ARRB2: variants seen among roughly 807,000 people sequenced by gnomAD.
The protein encoded by ARRB2 is beta-arrestin-2.
In ARRB2, 21 loss-of-function variants were observed where a neutral mutation model predicts 53.4. The observed-to-expected ratio is 0.39, with a 90% CI of 0.28 to 0.57. The LOEUF is 0.57. Ranked by LOEUF, ARRB2 falls within the 20% of genes least tolerant of loss-of-function variation. ARRB2 has a pLI of 0.55. For missense variants in ARRB2, 369 were observed against 527.5 expected, an observed-to-expected ratio of 0.70 and a Z score of 2.94; for synonymous variants, 180 against 212.9, an observed-to-expected ratio of 0.85 and a Z score of 1.34.
Position 4,717,780 on chromosome 17 carries a change from T to A in ARRB2, c.485+28T>A. The A allele has an allele frequency of 6.2e-7, 1 of 1,601,810 alleles. No homozygotes were observed. Among genetic ancestry groups the A allele is most frequent in the Non-Finnish European group, 8.5e-7 (1 of 1,173,770 alleles). ...AAGGGAAGTGACCTCCTCTGTGGTG[T>A]AAGAGGAGGCTTTCCTCCCCGCTTC... On this transcript the variant is annotated intron_variant, in intron 7 of 14. Coordinates refer to ENST00000269260, the MANE Select transcript of ARRB2 (RefSeq NM_004313.4). The surrounding 1 kb of genome is among the most constrained non-coding windows in gnomAD (Gnocchi z 6.0).
At chr17:4,712,993 T>A (rs62064998) in intron 1 of ARRB2, among the ~76,000 whole-genome samples, 2 of 152,138 alleles carry the variant, frequency 1.3e-5, no homozygotes, top group Non-Finnish European at 2.9e-5. Flanking sequence ...AATTTATTTA[T>A]TTATTTATTT....
intron 1 of ARRB2, among the ~76,000 whole-genome samples, chr17:4,711,326 G>A (rs1020293098): frequency 2.0e-5 from 3 of 152,052 alleles, no homozygotes; most frequent in South Asian, 2.1e-4. Flanking sequence ...TGGGGGTGGG[G>A]GAGGCAGTAT....
rs35535076 is a variant in ARRB2 at position 4,718,103 on chromosome 17, C to T, written c.621+80C>T. 7.1e-4 allele frequency: 1,132 copies of T among 1,592,822 alleles called. 6 individuals are homozygous for T. The African/African-American group carries it at 0.01, about 15-fold the overall frequency. Reference sequence around the variant, plus strand: ...GGGGCGAAGCCACACATCAAGAGGACATTTGTAAAGGAGGTTGCCTTGGCT... The same window carrying T: ...GGGGCGAAGCCACACATCAAGAGGATATTTGTAAAGGAGGTTGCCTTGGCT... On this transcript the variant is annotated intron_variant, in intron 8 of 14. Transcript: ENST00000269260.
At chr17:4,710,825 C>T (rs1914312310) in intron 1 of ARRB2, 81 bp downstream of exon 1, 1 of 394,886 alleles carries the variant, frequency 2.5e-6, no homozygotes, top group Non-Finnish European at 4.5e-6. Flanking sequence ...GAGGGCGCAG[C>T]GGAGAGGATC....
chr17:4,719,271 C>T lies in ARRB2; in HGVS notation c.780-12C>T. 1 of 1,607,336 alleles carries T rather than the reference C, an allele frequency of 6.2e-7. No individual in the cohort carries two copies. Among genetic ancestry groups the T allele is most frequent in the Non-Finnish European group, 8.5e-7 (1 of 1,175,504 alleles). ...GCCCCTAAGCATCTTGTTCTCTTGT[C>T]CCCACCCCCAGTGACCAGGTATCTC... On this transcript the variant is annotated splice_polypyrimidine_tract_variant and intron_variant, in intron 10 of 14. Transcript: ENST00000269260.
Position 4,719,362 on chromosome 17 carries a change from G to T in ARRB2, c.859G>T (p.Gly287Cys). The part of the protein sequence containing the change: ...PLLSDNREKR[G>C]LALDGKLKHE... ...GCTCAGCGACAACCGGGAGAAGCGG[G>T]GTCTCGCCCTGGATGGGAAACTCAA... The change falls in exon 11 of 15, where the codon GGT becomes TGT. Residue 287 changes from glycine to cysteine, a missense_variant. By Grantham distance (159) the Gly-to-Cys change is radical (BLOSUM62 -3). Transcript: ENST00000269260. 1 of 1,614,112 alleles carries T rather than the reference G, an allele frequency of 6.2e-7. No individual in the cohort carries two copies. The highest frequency in any genetic ancestry group is 8.5e-7 in the Non-Finnish European group (1 of 1,180,026).
rs779958331 is a variant in ARRB2 at position 4,720,617 on chromosome 17, C to T, written c.1113C>T (p.Thr371=). The T allele has an allele frequency of 5.0e-6, 8 of 1,592,794 alleles. No individual in the cohort carries two copies. Among genetic ancestry groups the T allele is most frequent in the East Asian group, 2.2e-5 (1 of 44,778 alleles). The stretch of plus-strand genomic sequence containing the variant: ...CGGAGACAGATGTCCCTGTGGACAC[C>T]AACCTCATTGAATTTGATACCAAGT... ...AAPETDVPVD[T]NLIEFDTNYA... Residue 371 remains threonine, a synonymous_variant, in exon 14 of 15, where the codon ACC becomes ACT. Transcript: ENST00000269260.
intron 1 of ARRB2, among the ~76,000 whole-genome samples, chr17:4,712,820 G>A (rs942092191): frequency 9.2e-5 from 14 of 152,160 alleles, no homozygotes; most frequent in Admixed American, 2.0e-4. Context: ...AATATTGATC[G>A]AGAGGATGGA....
chr17:4,714,189 G>A (rs957916444), intron 1 of ARRB2, among the ~76,000 whole-genome samples: 1 of 152,100 alleles, frequency 6.6e-6, no homozygotes, highest in Non-Finnish European at 1.5e-5. Flanking sequence ...TAAACAAGGT[G>A]TGACAGGAAC....
At chr17:4,716,121 A>G in intron 3 of ARRB2, 26 bp from the exon 4 acceptor site, 5 of 1,614,162 alleles carry the variant, frequency 3.1e-6, no homozygotes, top group Non-Finnish European at 4.2e-6. Flanking sequence ...CCTTTCAGGA[A>G]GTGAGCTGGT....
chr17:4,718,578 A>C, intron 9 of ARRB2, 34 bp from the exon 10 acceptor site: 1 of 1,606,344 alleles, frequency 6.2e-7, no homozygotes, highest in Non-Finnish European at 8.5e-7. Flanking sequence ...CTTGTGCTCC[A>C]TCCAGAGCTG....
chr17:4,720,884 A>G (rs1915632108), intron 14 of ARRB2, 62 bp from the exon 15 acceptor site: 1 of 1,527,680 alleles, frequency 6.5e-7, no homozygotes, highest in African/African-American at 1.4e-5. Context: ...GAGGGCAGGG[A>G]GTGGGAGGCT....
At chr17:4,711,561 A>AG (rs1281348309) in intron 1 of ARRB2, among the ~76,000 whole-genome samples, 1 of 152,196 alleles carries the variant, frequency 6.6e-6, no homozygotes, top group Non-Finnish European at 1.5e-5. Flanking sequence ...TATCAGGAAT[A>AG]GGGAATTGGT....
intron 10 of ARRB2, among the ~76,000 whole-genome samples, chr17:4,718,962 C>T (rs149413134): frequency 2.6e-5 from 4 of 151,872 alleles, no homozygotes; most frequent in Non-Finnish European, 5.9e-5. Flanking sequence ...TTAATAGAGA[C>T]GAGGTTTCAC....
intron 1 of ARRB2, among the ~76,000 whole-genome samples, chr17:4,712,741 CA>C (rs1914541093): frequency 6.6e-6 from 1 of 152,220 alleles, no homozygotes; most frequent in Admixed American, 6.5e-5. Context: ...TAAATTGTTT[CA>C]GCAACTGGAA....
In ARRB2 at chr17:4,721,078, G is replaced by A. The variant is rs767220676; in HGVS notation, c.*39G>A. On this transcript the variant is annotated 3_prime_UTR_variant, in exon 15 of 15. Transcript: ENST00000269260. This position sits in a 1 kb window ranked among gnomAD's most constrained non-coding sequence, Gnocchi z 4.2. ...AAGAAGGGAGGGGATGGGGTTGGGA[G>A]AGGTGAGGGCAGGATTAAGATCCCC... The A allele has an allele frequency of 8.8e-6, 14 of 1,586,654 alleles. No individual in the cohort carries two copies. The highest frequency in any genetic ancestry group is 1.2e-5 in the Non-Finnish European group (14 of 1,155,818).
intron 2 of ARRB2, 54 bp from the exon 3 acceptor site, chr17:4,715,919 G>C (rs375569064): frequency 6.8e-6 from 11 of 1,608,796 alleles, no homozygotes; most frequent in Non-Finnish European, 9.4e-6. Context: ...TGAGGGCTCC[G>C]ATGCCCTGTC....
Position 4,717,664 on chromosome 17 carries a change from G to T in ARRB2, c.418-21G>T. 1.2e-6 allele frequency: 2 copies of T among 1,614,012 alleles called. No homozygotes were observed. Among genetic ancestry groups the T allele is most frequent in the South Asian group, 1.1e-5 (1 of 91,084 alleles). ...TGGCGGGAGCCTCCGGTAAGATGTG[G>T]CCTTTTCTCCCCTCCCCGAGGCCTG... On this transcript the variant is annotated intron_variant, in intron 6 of 14. Coordinates refer to ENST00000269260, the MANE Select transcript of ARRB2 (RefSeq NM_004313.4). This position sits in a 1 kb window ranked among gnomAD's most constrained non-coding sequence, Gnocchi z 6.0.
intron 1 of ARRB2, among the ~76,000 whole-genome samples, chr17:4,712,616 C>T (rs2150581934): frequency 6.6e-6 from 1 of 152,308 alleles, no homozygotes; most frequent in South Asian, 2.1e-4. Flanking sequence ...ACTGCTGAGG[C>T]AGAGTGGATT....
Sources: allele counts gnomAD v4.1 joint callset (sites outside exome capture counted in the v4.1 genomes callset), GRCh38; gene constraint gnomAD v4.1.1; non-coding constraint Gnocchi (gnomAD v3.1); transcripts MANE v1.5; gene names NCBI Gene and HGNC (gene_info 2026-07-23, HGNC 2026-07-21).